The following RNFT2 variants were observed in gnomAD, a reference collection of about 807,000 sequenced individuals.
RNFT2 encodes ring finger protein, transmembrane 2, also known as E3 ubiquitin-protein ligase RNFT2.
Under a neutral mutation model 53.0 loss-of-function variants are expected in RNFT2, and 36 were observed. The ratio of observed to expected loss-of-function variants is 0.68; its 90% confidence interval spans 0.52 to 0.90. RNFT2 has a LOEUF of 0.90. RNFT2 is among the 40% of genes least tolerant of loss of function. The pLI is 0.00. For synonymous variants in RNFT2, 260 were observed against 253.2 expected, an observed-to-expected ratio of 1.03 and a Z score of -0.26; for missense variants, 514 against 585.6, an observed-to-expected ratio of 0.88 and a Z score of 1.26.
intron 4 of RNFT2, among the ~76,000 whole-genome samples, chr12:116,750,904 ATATAT>A (rs1566069619): frequency 0.22 from 9,087 of 41,578 alleles, 869 homozygotes; most frequent in Middle Eastern, 0.27. Flanking sequence ...ATATATATAT[ATATAT>A]TTTTTTTTGA....
At chr12:116,796,753 C>G (rs1874520767) in intron 7 of RNFT2, among the ~76,000 whole-genome samples, 1 of 152,188 alleles carries the variant, frequency 6.6e-6, no homozygotes, top group African/African-American at 2.4e-5. Flanking sequence ...TCTGTCTATG[C>G]TGGGGCAGGT....
At chr12:116,842,131 G>A (rs1284488910) in intron 10 of RNFT2, among the ~76,000 whole-genome samples, 3 of 150,810 alleles carry the variant, frequency 2.0e-5, no homozygotes, top group African/African-American at 4.9e-5. Flanking sequence ...TTGCTGGTAG[G>A]ATTCCGTTCC....
At chr12:116,800,595 C>G (rs1184782069) in intron 7 of RNFT2, among the ~76,000 whole-genome samples, 5 of 150,932 alleles carry the variant, frequency 3.3e-5, no homozygotes, top group African/African-American at 4.9e-5. Context: ...GATAATGCCA[C>G]TGCCCTCCAG....
At chr12:116,760,565 C>T (rs1057320933) in intron 5 of RNFT2, among the ~76,000 whole-genome samples, 25 of 152,252 alleles carry the variant, frequency 1.6e-4, no homozygotes, top group Admixed American at 1.2e-3. Context: ...ATTGACTCAG[C>T]GCCAGATAAA....
chr12:116,762,695 C>T (rs897551271), intron 5 of RNFT2, among the ~76,000 whole-genome samples: 20 of 151,378 alleles, frequency 1.3e-4, no homozygotes, highest in Non-Finnish European at 2.2e-4. Context: ...TACAGGTGTG[C>T]ACCACCAAGA....
At chr12:116,812,802 G>A (rs1301583624) in intron 7 of RNFT2, among the ~76,000 whole-genome samples, 1 of 152,138 alleles carries the variant, frequency 6.6e-6, no homozygotes, top group Admixed American at 6.5e-5. Context: ...CCAAAGTGCT[G>A]GGATTACAGG....
intron 7 of RNFT2, among the ~76,000 whole-genome samples, chr12:116,797,786 A>G (rs1321346875): frequency 6.6e-6 from 1 of 152,178 alleles, no homozygotes; most frequent in Non-Finnish European, 1.5e-5. Flanking sequence ...CCTCAGGGCA[A>G]TTTTGCAGCC....
rs1873110240 is a variant in RNFT2 at position 116,770,133 on chromosome 12, A to G, written c.728+3219A>G. On this transcript the variant is annotated intron_variant, in intron 6 of 10. Coordinates refer to ENST00000257575, the MANE Select transcript of RNFT2 (RefSeq NM_001382266.1). The stretch of plus-strand genomic sequence containing the variant: ...TCCTAGGCCTTCACATTCATTCACC[A>G]CTCTCTCATTGACTCACCCAGAGCA... Among the ~76,000 whole-genome samples, 4 of 151,862 alleles carry G rather than the reference A, an allele frequency of 2.6e-5. No individual in the cohort carries two copies. In the South Asian group the frequency reaches 8.3e-4, roughly 32 times the overall value.
intron 5 of RNFT2, among the ~76,000 whole-genome samples, chr12:116,759,853 G>A (rs1203596691): frequency 6.6e-6 from 1 of 152,150 alleles, no homozygotes; most frequent in Non-Finnish European, 1.5e-5. Context: ...GCCAGGAGGT[G>A]GCGCTTTCCA....
intron 7 of RNFT2, among the ~76,000 whole-genome samples, chr12:116,781,547 G>A (rs972981238): frequency 2.0e-5 from 3 of 152,042 alleles, no homozygotes; most frequent in Non-Finnish European, 2.9e-5. Context: ...TTCTTCCTCC[G>A]TCTTCCGAGT....
intron 6 of RNFT2, among the ~76,000 whole-genome samples, chr12:116,776,209 AAAAC>A (rs956103483): frequency 7.9e-5 from 12 of 152,328 alleles, no homozygotes; most frequent in Non-Finnish European, 1.2e-4. Flanking sequence ...ACCAAAAGCA[AAAAC>A]AAACAAACAA....
intron 4 of RNFT2, among the ~76,000 whole-genome samples, chr12:116,750,800 TATATATATA>T (rs1176434036): frequency 0.034 from 2,019 of 59,696 alleles, 114 homozygotes; most frequent in African/African-American, 0.11. Context: ...TGTGTGTGTA[TATATATATA>T]ATATATATAT....
At chr12:116,755,370 T>A (rs2029855) in intron 5 of RNFT2, 468,705 of 736,066 alleles carry the variant, frequency 0.64, 102,906 homozygotes, top group African/African-American at 0.76. Context: ...GAGGTCTTTT[T>A]TTTTTTTTTT....
intron 10 of RNFT2, among the ~76,000 whole-genome samples, chr12:116,837,894 A>T (rs953225775): frequency 6.6e-6 from 1 of 152,176 alleles, no homozygotes; most frequent in African/African-American, 2.4e-5. Context: ...ACTTTTCTGT[A>T]AGCCTTAAAT....
chr12:116,767,051 A>G (rs1872947798), intron 6 of RNFT2, 137 bp downstream of exon 6: 2 of 605,280 alleles, frequency 3.3e-6, no homozygotes, highest in African/African-American at 3.6e-5. Flanking sequence ...TGCTGTTACT[A>G]CTTATATATA....
intron 7 of RNFT2, among the ~76,000 whole-genome samples, chr12:116,786,963 C>G (rs1873961368): frequency 6.6e-6 from 1 of 152,034 alleles, no homozygotes; most frequent in South Asian, 2.1e-4. Context: ...CTCTCTCTGC[C>G]TCTCTCTTAT....
intron 7 of RNFT2, among the ~76,000 whole-genome samples, chr12:116,788,174 G>T (rs1874024208): frequency 6.6e-6 from 1 of 152,212 alleles, no homozygotes; most frequent in African/African-American, 2.4e-5. Flanking sequence ...TGATCCGCCT[G>T]CTTTGGCCTC....
At chr12:116,759,101 C>A (rs1473965718) in intron 5 of RNFT2, among the ~76,000 whole-genome samples, 1 of 152,098 alleles carries the variant, frequency 6.6e-6, no homozygotes, top group Non-Finnish European at 1.5e-5. Context: ...AATTCAAAGA[C>A]CTTGTCTTCG....
intron 7 of RNFT2, among the ~76,000 whole-genome samples, chr12:116,802,230 C>A (rs1265980365): frequency 6.6e-6 from 1 of 152,218 alleles, no homozygotes; most frequent in Non-Finnish European, 1.5e-5. Context: ...AGAAGTCCCG[C>A]AATAAAGAAA....
Sources: allele counts gnomAD v4.1 joint callset (sites outside exome capture counted in the v4.1 genomes callset), GRCh38; gene constraint gnomAD v4.1.1; transcripts MANE v1.5; gene names NCBI Gene and HGNC (gene_info 2026-07-23, HGNC 2026-07-21).